RYR3: variants seen among roughly 807,000 people sequenced by gnomAD.
RYR3 encodes the protein brain ryanodine receptor-calcium release channel.
Under a neutral mutation model 584.3 loss-of-function variants are expected in RYR3, and 207 were observed. The ratio of observed to expected loss-of-function variants is 0.35; its 90% CI spans 0.32 to 0.40. The LOEUF (loss-of-function observed/expected upper bound fraction) is 0.40. Ranked by LOEUF, RYR3 falls within the 10% of genes least tolerant of loss-of-function variation. RYR3 has a pLI of 1.00. For missense variants in RYR3, 5,616 were observed against 6,089.2 expected (o/e 0.92, Z 2.59); for synonymous variants, 2,416 against 2,248.5 (o/e 1.07, Z -2.11).
At chr15:33,313,108 C>T (rs559717127) in intron 1 of RYR3, among the ~76,000 whole-genome samples, 34 of 152,246 alleles carry the variant, frequency 2.2e-4, no homozygotes, top group African/African-American at 7.2e-4. Context: ...CCAAATGTGG[C>T]GTTATTGGTT....
At chr15:33,837,565 T>C in intron 88 of RYR3, 66 bp from the exon 89 acceptor site, 2 of 1,462,646 alleles carry the variant, frequency 1.4e-6, no homozygotes, top group Non-Finnish European at 1.8e-6. Context: ...AATAGCTACC[T>C]GACAAGTGAC....
chr15:33,612,750 G>T (rs1227130784), intron 18 of RYR3, among the ~76,000 whole-genome samples: 1 of 152,154 alleles, frequency 6.6e-6, no homozygotes, highest in African/African-American at 2.4e-5. Context: ...ATCTTTTTGA[G>T]GAAGTAGAAG....
chr15:33,805,144 CT>C (rs940556537), intron 69 of RYR3, among the ~76,000 whole-genome samples: 14 of 152,122 alleles, frequency 9.2e-5, no homozygotes, highest in Non-Finnish European at 1.8e-4. Context: ...TGTTTTGAAA[CT>C]TTTTTTGTTT....
chr15:33,698,071 G>A (rs185036226), intron 40 of RYR3, 75 bp downstream of exon 40: 17 of 981,670 alleles, frequency 1.7e-5, no homozygotes, highest in South Asian at 1.1e-4. Context: ...TCAGAGCCAC[G>A]TGGCTGGTGT....
At chr15:33,330,186 G>A (rs1326866786) in intron 1 of RYR3, among the ~76,000 whole-genome samples, 4 of 151,978 alleles carry the variant, frequency 2.6e-5, no homozygotes, top group Non-Finnish European at 4.4e-5. Flanking sequence ...TCAATTTTAG[G>A]GTACATGTTC....
chr15:33,653,720 G>A (rs1241820393), intron 32 of RYR3, among the ~76,000 whole-genome samples: 1 of 151,692 alleles, frequency 6.6e-6, no homozygotes, highest in Non-Finnish European at 1.5e-5. Flanking sequence ...TCATTTCCTG[G>A]ACCGTGAACT....
At chr15:33,388,766 A>C (rs562969144) in intron 1 of RYR3, among the ~76,000 whole-genome samples, 15 of 152,170 alleles carry the variant, frequency 9.9e-5, no homozygotes, top group African/African-American at 3.6e-4. Flanking sequence ...ACAGAACAGC[A>C]TGTAAGTATT....
Position 33,649,105 on chromosome 15 carries a change from C to T in RYR3, c.4012C>T (p.Gln1338Ter). ...CTACGCCATCCGCATCTTTGCTGGA[C>T]AGGATCCATCCTGTGTCTGGGTCGG... is the stretch of plus-strand genomic sequence containing the variant. ...CYYAIRIFAG[Q>*]DPSCVWVGWV... Residue 1338 changes from glutamine (Q) to a stop codon, truncating the protein, a stop_gained, in exon 31 of 104, where the codon CAG (glutamine) becomes TAG (stop). Coordinates refer to ENST00000634891, the MANE Select transcript of RYR3 (RefSeq NM_001036.6). LOFTEE classifies it high-confidence loss of function. 2 of 1,613,718 alleles carry T rather than the reference C, an allele frequency of 1.2e-6. No homozygotes were observed. The highest frequency in any genetic ancestry group is 1.7e-6 in the Non-Finnish European group (2 of 1,179,866).
Position 33,821,355 on chromosome 15 carries a change from T to C in RYR3, c.10901T>C (p.Ile3634Thr), listed in dbSNP as rs1323235127. The change falls in exon 79 of 104, where the codon ATA becomes ACA. Residue 3634 changes from isoleucine to threonine, a missense_variant. Ile to Thr is a moderately conservative substitution (Grantham distance 89). This residue lies in a region of RYR3 where 954 missense variants were observed against 1,132.2 expected (regional missense o/e 0.84). Coordinates refer to ENST00000634891, the MANE Select transcript of RYR3 (RefSeq NM_001036.6). ...GCTGCAGAGATGGTCCTTCAGATGATAAGCGCTAGCAAAGGTGATTTCCCT... is the reference window on the plus strand; with the variant it reads ...GCTGCAGAGATGGTCCTTCAGATGACAAGCGCTAGCAAAGGTGATTTCCCT... ...RGAAEMVLQM[I>T]SASKGEMSPM... The C allele has an allele frequency of 3.1e-6, 5 of 1,601,990 alleles. No individual in the cohort carries two copies. Among genetic ancestry groups the C allele is most frequent in the East Asian group, 2.2e-5 (1 of 44,458 alleles).
chr15:33,736,336 C>T lies in RYR3; in HGVS notation c.7515+11C>T, dbSNP rs772886677. ...AAAATGCCTCTCAAGGTAAACATCACTATTGTTACAGAAATACAGTCTATT... is the reference window on the plus strand; with the variant it reads ...AAAATGCCTCTCAAGGTAAACATCATTATTGTTACAGAAATACAGTCTATT... On this transcript the variant is annotated intron_variant, in intron 49 of 103. Coordinates refer to ENST00000634891, the MANE Select transcript of RYR3 (RefSeq NM_001036.6). The T allele has an allele frequency of 6.3e-7, 1 of 1,581,588 alleles. No individual in the cohort carries two copies. Among genetic ancestry groups the T allele is most frequent in the African/African-American group, 1.3e-5 (1 of 74,358 alleles).
chr15:33,405,550 T>C (rs1285973430), intron 1 of RYR3, among the ~76,000 whole-genome samples: 1 of 152,198 alleles, frequency 6.6e-6, no homozygotes, highest in African/African-American at 2.4e-5. Context: ...AGTATCGTGT[T>C]CAATAAATAC....
At chr15:33,621,961 G>A (rs528129150) in intron 19 of RYR3, among the ~76,000 whole-genome samples, 16 of 152,140 alleles carry the variant, frequency 1.1e-4, no homozygotes, top group African/African-American at 3.6e-4. Context: ...ACTTTTCTCC[G>A]TTTACCTCAT....
chr15:33,656,828 A>G (rs2152696048), intron 32 of RYR3, among the ~76,000 whole-genome samples: 1 of 152,280 alleles, frequency 6.6e-6, no homozygotes, highest in East Asian at 1.9e-4. Context: ...CAACAAGGGC[A>G]CGTCCAGTTT....
Position 33,611,815 on chromosome 15 carries a change from C to T in RYR3, c.2165-1368C>T, listed in dbSNP as rs184967734. ...CTGGGACTACAGGTGCACGTCATCA[C>T]GCCCAGCTAATTTTTGTATCTTTAG... On this transcript the variant is annotated intron_variant, in intron 18 of 103. Transcript: ENST00000634891. Among the ~76,000 whole-genome samples the T allele has an allele frequency of 5.1e-3, 773 of 152,096 alleles. 24 individuals are homozygous for T. The highest frequency in any genetic ancestry group is 0.04 in the Admixed American group (617 of 15,274).
Position 33,579,981 on chromosome 15 carries a change from A to G in RYR3, c.1274A>G (p.Asn425Ser). The change falls in exon 13 of 104, where the codon AAC (asparagine) becomes AGC (serine). Residue 425 changes from asparagine to serine, a missense_variant. Physicochemically the swap from Asn to Ser is conservative, Grantham distance 46 (BLOSUM62 1). Transcript: ENST00000634891. ...GTCAATCTCATGGTTTTTAGCGGAA[A>G]CAATCGCACAGCTGCCCCCATCACC... is the stretch of plus-strand genomic sequence containing the variant. Reference protein sequence around the residue: ...TALFSQFVSGNNRTAAPITLP... With the variant: ...TALFSQFVSGSNRTAAPITLP... 1 of 1,606,166 alleles carries G rather than the reference A, an allele frequency of 6.2e-7. No individual in the cohort carries two copies. Among genetic ancestry groups the G allele is most frequent in the East Asian group, 2.2e-5 (1 of 44,616 alleles).
chr15:33,698,024 A>G lies in RYR3; in HGVS notation c.6249+28A>G, dbSNP rs1170299439. ...AATGCTAAAAGGAGAACCTAGCCAGAACTTGTCCCTTGAGGCAGGAGCACG... is the reference window on the plus strand; with the variant it reads ...AATGCTAAAAGGAGAACCTAGCCAGGACTTGTCCCTTGAGGCAGGAGCACG... On this transcript the variant is annotated intron_variant, in intron 40 of 103. Coordinates refer to ENST00000634891, the MANE Select transcript of RYR3 (RefSeq NM_001036.6). The G allele has an allele frequency of 4.0e-6, 6 of 1,505,304 alleles. No homozygotes were observed. In the South Asian group the frequency reaches 6.8e-5, roughly 17 times the overall value. The allele number at this position is 1,505,304 out of a possible 1,614,324, so 93.2% of individuals were successfully genotyped here.
intron 1 of RYR3, among the ~76,000 whole-genome samples, chr15:33,382,488 A>T (rs2041270804): frequency 6.6e-6 from 1 of 151,898 alleles, no homozygotes; most frequent in South Asian, 2.1e-4. Flanking sequence ...CAGCCCGGCT[A>T]ATTTTCATAT....
At chr15:33,530,874 A>G (rs182569640) in intron 4 of RYR3, among the ~76,000 whole-genome samples, 1 of 152,102 alleles carries the variant, frequency 6.6e-6, no homozygotes, top group South Asian at 2.1e-4. Context: ...TCAATGTCTG[A>G]TACCCCACCT....
chr15:33,714,314 ACT>A (rs1422161823), intron 43 of RYR3, among the ~76,000 whole-genome samples: 2 of 151,826 alleles, frequency 1.3e-5, no homozygotes, highest in Admixed American at 6.6e-5. Flanking sequence ...GAATTAGAAA[ACT>A]CTTTCTAACA....
Sources: gnomAD v4.1 joint callset for allele counts (sites outside exome capture counted in the v4.1 genomes callset) on GRCh38, gnomAD v4.1.1 for gene constraint, gnomAD v4.1.1 regional missense constraint, MANE v1.5 for transcripts, NCBI Gene and HGNC (gene_info 2026-07-23, HGNC 2026-07-21) for gene names.